The following GABBR2 variants were observed in gnomAD, a reference collection of about 807,000 sequenced individuals.
The protein encoded by GABBR2 is G-protein coupled receptor 51.
GABBR2 carries 23 observed loss-of-function variants against 105.6 expected under a neutral mutation model. The ratio of observed to expected loss-of-function variants is 0.22; its 90% CI spans 0.16 to 0.31. The LOEUF (loss-of-function observed/expected upper bound fraction) is 0.31, where lower values mean the gene tolerates loss of function less well. GABBR2 is among the 10% of genes least tolerant of loss of function. The probability of loss-of-function intolerance (pLI) is 1.00; values close to 1 mark genes in which losing one functional copy is unlikely to be tolerated. For missense variants in GABBR2, 734 were observed against 1,245.5 expected, an observed-to-expected ratio of 0.59 and a Z score of 6.18; for synonymous variants, 478 against 499.7, an observed-to-expected ratio of 0.96 and a Z score of 0.58.
intron 13 of GABBR2, among the ~76,000 whole-genome samples, chr9:98,348,371 C>A (rs979655383): frequency 1.1e-4 from 17 of 152,144 alleles, no homozygotes; most frequent in Non-Finnish European, 1.0e-4. Flanking sequence ...TAGTTGAATG[C>A]CTTCTGCTTT....
intron 1 of GABBR2, among the ~76,000 whole-genome samples, chr9:98,704,592 C>T (rs1172583039): frequency 2.6e-5 from 4 of 152,070 alleles, no homozygotes; most frequent in Non-Finnish European, 5.9e-5. Context: ...TAAAAGAGCA[C>T]ATGGAGTATG....
intron 3 of GABBR2, among the ~76,000 whole-genome samples, chr9:98,528,311 G>A (rs1313303283): frequency 6.6e-6 from 1 of 152,030 alleles, no homozygotes; most frequent in Non-Finnish European, 1.5e-5. Context: ...AGGAAAGGCT[G>A]ATATTTCAGA....
At chr9:98,355,460 C>A (rs367590046) in intron 13 of GABBR2, among the ~76,000 whole-genome samples, 1 of 152,156 alleles carries the variant, frequency 6.6e-6, no homozygotes, top group African/African-American at 2.4e-5. Context: ...AAATTAAAAA[C>A]GCAATCCCAT....
chr9:98,365,320 C>T (rs1465602244), intron 12 of GABBR2, among the ~76,000 whole-genome samples: 1 of 152,202 alleles, frequency 6.6e-6, no homozygotes, highest in East Asian at 1.9e-4. Context: ...CAACAAATGG[C>T]AGCTGGCTAC....
intron 13 of GABBR2, among the ~76,000 whole-genome samples, chr9:98,349,359 T>G (rs1028231866): frequency 3.5e-4 from 6 of 17,276 alleles, no homozygotes; most frequent in African/African-American, 4.6e-4. Context: ...GTTTTTTTTT[T>G]TTTTTTTTTT....
chr9:98,463,272 C>T (rs148000091), intron 6 of GABBR2, among the ~76,000 whole-genome samples: 1,676 of 152,280 alleles, frequency 0.011, 23 homozygotes, highest in Middle Eastern at 0.031. Flanking sequence ...CAGGGATATA[C>T]ACAATTCATG....
chr9:98,648,116 T>TGTGTGGATAGATAGATAGATAG, intron 1 of GABBR2, among the ~76,000 whole-genome samples: 1 of 55,948 alleles, frequency 1.8e-5, no homozygotes, highest in African/African-American at 6.9e-5. Flanking sequence ...TGTGTGTGTG[T>TGTGTGGATAGATAGATAGATAG]ATAGATAGAT....
chr9:98,567,564 A>G (rs1285898229), intron 2 of GABBR2, among the ~76,000 whole-genome samples: 1 of 152,182 alleles, frequency 6.6e-6, no homozygotes, highest in Non-Finnish European at 1.5e-5. Flanking sequence ...AGACCTATAC[A>G]TTTTCAGGGC....
At chr9:98,381,757 T>C (rs1831980647) in intron 11 of GABBR2, among the ~76,000 whole-genome samples, 1 of 152,190 alleles carries the variant, frequency 6.6e-6, no homozygotes, top group Non-Finnish European at 1.5e-5. Context: ...TTTCGGGCCC[T>C]CATTTTCAGA....
chr9:98,300,162 C>T (rs1830446134), intron 16 of GABBR2, among the ~76,000 whole-genome samples: 1 of 151,496 alleles, frequency 6.6e-6, no homozygotes, highest in African/African-American at 2.4e-5. Context: ...CTGTGCCTGG[C>T]CTTATAATTA....
At chr9:98,702,448 A>T (rs1830842622) in intron 1 of GABBR2, among the ~76,000 whole-genome samples, 1 of 152,110 alleles carries the variant, frequency 6.6e-6, no homozygotes, top group African/African-American at 2.4e-5. Flanking sequence ...CTCCAGGCTC[A>T]TTCTGTCTCC....
chr9:98,442,117 G>C (rs2131588162), intron 7 of GABBR2, among the ~76,000 whole-genome samples: 1 of 152,352 alleles, frequency 6.6e-6, no homozygotes, highest in Non-Finnish European at 1.5e-5. Flanking sequence ...GAATAAGTTA[G>C]AACAGGGCAG....
At chr9:98,503,775 G>A (rs921791671) in intron 3 of GABBR2, among the ~76,000 whole-genome samples, 5 of 152,118 alleles carry the variant, frequency 3.3e-5, no homozygotes, top group African/African-American at 1.2e-4. Context: ...GGAGGTTGTG[G>A]TTAGGATGCT....
At chr9:98,629,485 T>C (rs957694447) in intron 1 of GABBR2, among the ~76,000 whole-genome samples, 8 of 152,244 alleles carry the variant, frequency 5.3e-5, no homozygotes, top group Non-Finnish European at 8.8e-5. Flanking sequence ...ATGGCCATCC[T>C]TTCACTCCTA....
intron 9 of GABBR2, among the ~76,000 whole-genome samples, chr9:98,393,595 A>C (rs1253617524): frequency 6.6e-6 from 1 of 152,272 alleles, no homozygotes; most frequent in African/African-American, 2.4e-5. Flanking sequence ...CAGGAATTTA[A>C]AGTTAAATAG....
At chr9:98,513,407 G>C (rs1386027774) in intron 3 of GABBR2, among the ~76,000 whole-genome samples, 3 of 151,974 alleles carry the variant, frequency 2.0e-5, no homozygotes, top group Admixed American at 1.3e-4. Context: ...TTGACAAATG[G>C]GATCTAATTA....
At chr9:98,370,619 G>C (rs1309296524) in intron 12 of GABBR2, among the ~76,000 whole-genome samples, 3 of 152,200 alleles carry the variant, frequency 2.0e-5, no homozygotes, top group Admixed American at 6.5e-5. Flanking sequence ...GGGAGAAGTT[G>C]TGCCAATCAA....
chr9:98,427,848 G>A (rs562847553), intron 7 of GABBR2, among the ~76,000 whole-genome samples: 2 of 152,150 alleles, frequency 1.3e-5, no homozygotes, highest in Admixed American at 6.5e-5. Context: ...ACTGAGTCCT[G>A]TTGATAGCCA....
At chr9:98,543,590 CCTGGGCTCA>C (rs950269233) in intron 2 of GABBR2, among the ~76,000 whole-genome samples, 1 of 152,094 alleles carries the variant, frequency 6.6e-6, no homozygotes, top group African/African-American at 2.4e-5. Context: ...GTTTTGAACC[CCTGGGCTCA>C]AGCCTCTGGC....
Sources: gnomAD v4.1 joint callset for allele counts (sites outside exome capture counted in the v4.1 genomes callset) on GRCh38, gnomAD v4.1.1 for gene constraint, MANE v1.5 for transcripts, NCBI Gene and HGNC (gene_info 2026-07-23, HGNC 2026-07-21) for gene names.